FOXP2: variants seen among roughly 807,000 people sequenced by gnomAD.
FOXP2 encodes forkhead box P2, also known as forkhead box protein P2.
In FOXP2, 12 loss-of-function variants were observed where a neutral mutation model predicts 115.8. The observed-to-expected ratio is 0.10, with a 90% confidence interval of 0.07 to 0.17. The LOEUF (loss-of-function observed/expected upper bound fraction) is 0.17. FOXP2 is among the 10% of genes least tolerant of loss of function. The probability of loss-of-function intolerance (pLI) is 1.00; values close to 1 mark genes in which losing one functional copy is unlikely to be tolerated. For synonymous variants in FOXP2, 328 were observed against 297.7 expected (o/e 1.10, Z -1.05); for missense variants, 629 against 843.5 (o/e 0.75, Z 3.15).
intron 1 of FOXP2, among the ~76,000 whole-genome samples, chr7:114,266,277 A>G (rs1284206769): frequency 6.6e-6 from 1 of 152,110 alleles, no homozygotes; most frequent in African/African-American, 2.4e-5. Flanking sequence ...AGGTATTTTT[A>G]TAGCAAAACT....
intron 3 of FOXP2, among the ~76,000 whole-genome samples, chr7:114,559,218 G>T (rs1048220764): frequency 2.0e-5 from 3 of 152,024 alleles, no homozygotes; most frequent in Non-Finnish European, 2.9e-5. Flanking sequence ...CACATCTTTT[G>T]TTTTTCAGTG....
At chr7:114,647,390 A>C (rs1040159574) in intron 8 of FOXP2, among the ~76,000 whole-genome samples, 5 of 151,150 alleles carry the variant, frequency 3.3e-5, no homozygotes, top group African/African-American at 1.2e-4. Context: ...TATGTATCGT[A>C]TATATTTATG....
chr7:114,311,825 T>C (rs1397122889), intron 2 of FOXP2, among the ~76,000 whole-genome samples: 1 of 152,192 alleles, frequency 6.6e-6, no homozygotes, highest in Non-Finnish European at 1.5e-5. Flanking sequence ...CCTTTTGCAA[T>C]GGACTTGGTG....
intron 1 of FOXP2, among the ~76,000 whole-genome samples, chr7:114,156,926 C>T (rs1057193509): frequency 5.3e-5 from 8 of 152,100 alleles, no homozygotes; most frequent in Admixed American, 5.2e-4. Flanking sequence ...TTTTATTTGA[C>T]TATCTCAGTA....
intron 2 of FOXP2, among the ~76,000 whole-genome samples, chr7:114,306,730 G>A (rs1167507150): frequency 6.6e-6 from 1 of 152,096 alleles, no homozygotes; most frequent in Non-Finnish European, 1.5e-5. Context: ...TAAAGTAAAG[G>A]TGTCAGGAAG....
chr7:114,525,529 ATCAGCTATATTTC>A (rs1798815834), intron 2 of FOXP2, among the ~76,000 whole-genome samples: 1 of 152,196 alleles, frequency 6.6e-6, no homozygotes, highest in Non-Finnish European at 1.5e-5. Context: ...CTTTTTACCT[ATCAGCTATATTTC>A]TCAGAACAGT....
intron 1 of FOXP2, among the ~76,000 whole-genome samples, chr7:114,171,733 T>C (rs563150863): frequency 6.6e-6 from 1 of 152,308 alleles, no homozygotes; most frequent in Non-Finnish European, 1.5e-5. Flanking sequence ...GAGATATATT[T>C]CATAAGGCTG....
intron 1 of FOXP2, among the ~76,000 whole-genome samples, chr7:114,256,960 G>A (rs1795629739): frequency 6.6e-6 from 1 of 152,126 alleles, no homozygotes. Context: ...AAATTCATAT[G>A]GAACCAAAAG....
intron 3 of FOXP2, among the ~76,000 whole-genome samples, chr7:114,579,671 C>A (rs62467891): frequency 1.3e-5 from 2 of 152,170 alleles, no homozygotes; most frequent in Non-Finnish European, 2.9e-5. Flanking sequence ...TTCACCAACA[C>A]AGTTCACATG....
At chr7:114,553,139 C>T (rs1800294890) in intron 3 of FOXP2, among the ~76,000 whole-genome samples, 1 of 152,034 alleles carries the variant, frequency 6.6e-6, no homozygotes. Context: ...AATAGCTGCT[C>T]TTCATTCAAA....
upstream of FOXP2, chr7:114,086,527 C>T (rs920493057): frequency 2.5e-6 from 1 of 397,394 alleles, no homozygotes; most frequent in Middle Eastern, 7.6e-4. Flanking sequence ...CCCGGACTCG[C>T]GCGTGGGTGT....
chr7:114,368,719 G>T (rs980589403), intron 2 of FOXP2, among the ~76,000 whole-genome samples: 3 of 152,176 alleles, frequency 2.0e-5, no homozygotes, highest in Non-Finnish European at 4.4e-5. Context: ...AACTGCTGTT[G>T]TCTGGGTAGC....
At chr7:114,658,991 G>A (rs1343195631) in intron 11 of FOXP2, among the ~76,000 whole-genome samples, 3 of 152,116 alleles carry the variant, frequency 2.0e-5, no homozygotes, top group African/African-American at 7.2e-5. Context: ...GCAGAGGTGA[G>A]CCTGTTGTAC....
chr7:114,485,897 G>A (rs1311937496), intron 2 of FOXP2, among the ~76,000 whole-genome samples: 4 of 152,122 alleles, frequency 2.6e-5, no homozygotes, highest in East Asian at 1.9e-4. Flanking sequence ...ATACAAACAT[G>A]TATGGTATAA....
At chr7:114,663,562 CTT>C (rs35518337) in intron 15 of FOXP2, 43 bp downstream of exon 15, 107,805 of 1,004,522 alleles carry the variant, frequency 0.11, 6 homozygotes, top group Non-Finnish European at 0.12. Flanking sequence ...ATGTTTAGGG[CTT>C]TTTTTTTTTT....
chr7:114,612,258 G>A (rs927667817), intron 3 of FOXP2, among the ~76,000 whole-genome samples: 4 of 151,944 alleles, frequency 2.6e-5, no homozygotes, highest in African/African-American at 7.3e-5. Flanking sequence ...ATTACGCCCA[G>A]CTGCCTTGAT....
intron 2 of FOXP2, among the ~76,000 whole-genome samples, chr7:114,360,974 G>C (rs1490465659): frequency 6.6e-6 from 1 of 152,108 alleles, no homozygotes; most frequent in Non-Finnish European, 1.5e-5. Flanking sequence ...TTACTAGCAA[G>C]TGCTGATAAT....
intron 1 of FOXP2, among the ~76,000 whole-genome samples, chr7:114,091,481 T>A (rs573683591): frequency 2.0e-4 from 30 of 152,004 alleles, no homozygotes; most frequent in Admixed American, 6.5e-5. Context: ...TTGGCCTAAT[T>A]ATTTTTAGGA....
At chr7:114,679,417 C>G (rs564667161) in intron 16 of FOXP2, among the ~76,000 whole-genome samples, 1 of 152,212 alleles carries the variant, frequency 6.6e-6, no homozygotes, top group African/African-American at 2.4e-5. Context: ...CATTTGGCAA[C>G]TCTACCTGCA....
Sources: gnomAD v4.1 joint callset for allele counts (sites outside exome capture counted in the v4.1 genomes callset) on GRCh38, gnomAD v4.1.1 for gene constraint, MANE v1.5 for transcripts, NCBI Gene and HGNC (gene_info 2026-07-23, HGNC 2026-07-21) for gene names.